The following FIBIN variants were observed in gnomAD, a reference collection of about 807,000 sequenced individuals.
The protein encoded by FIBIN is fin bud initiation factor homolog (zebrafish).
In FIBIN, 8 loss-of-function variants were observed where a neutral mutation model predicts 13.0. The observed-to-expected ratio is 0.62, with a 90% CI of 0.36 to 1.11. The LOEUF is 1.11. Among genes scored for constraint, FIBIN ranks in the 50% most tolerant of loss-of-function variants. The pLI, the probability that FIBIN is intolerant of heterozygous loss-of-function variation, is 0.02. For synonymous variants in FIBIN, 127 were observed against 114.7 expected (o/e 1.11, Z -0.69); for missense variants, 261 against 260.2 (o/e 1.00, Z -0.02).
In FIBIN at chr11:26,994,745, C is replaced by T. The variant is rs1850905157; in HGVS notation, c.219C>T (p.Gly73=). 1 of 1,613,284 alleles carries T rather than the reference C, an allele frequency of 6.2e-7. No homozygotes were observed. The highest frequency in any genetic ancestry group is 1.3e-5 in the African/African-American group (1 of 74,832). The change falls in exon 1 of 1, where the codon GGC becomes GGT. Residue 73 remains glycine, a synonymous_variant. Coordinates refer to ENST00000318627, the MANE Select transcript of FIBIN (RefSeq NM_203371.2). The part of the protein sequence containing the change: ...RCSQGEGSQV[G]SLLSLTLREE... ...CCCAGGGGGAGGGGAGCCAGGTTGGCAGCCTGCTGAGCCTCACCCTGCGGG... is the reference window on the plus strand; with the variant it reads ...CCCAGGGGGAGGGGAGCCAGGTTGGTAGCCTGCTGAGCCTCACCCTGCGGG...
chr11:26,995,280 C>T lies in FIBIN; in HGVS notation c.*118C>T. 2 of 1,031,108 alleles carry T rather than the reference C, an allele frequency of 1.9e-6. No homozygotes were observed. Among genetic ancestry groups the T allele is most frequent in the Non-Finnish European group, 2.8e-6 (2 of 721,388 alleles). The allele number at this position is 1,031,108 out of a possible 1,614,324, so 63.9% of individuals were successfully genotyped here. On this transcript the variant is annotated 3_prime_UTR_variant, in exon 1 of 1. Transcript: ENST00000318627. ...TACTATTTTTTTATATCCCGATTTG[C>T]ACTTTGAGAATACATCTAAGGTCAT...
chr11:26,994,751 G>A lies in FIBIN; in HGVS notation c.225G>A (p.Leu75=), dbSNP rs1850905232. The A allele has an allele frequency of 6.2e-7, 1 of 1,613,378 alleles. No homozygotes were observed. The highest frequency in any genetic ancestry group is 1.3e-5 in the African/African-American group (1 of 74,880). The part of the protein sequence containing the change: ...SQGEGSQVGS[L]LSLTLREEFT... Reference sequence around the variant, plus strand: ...GGGAGGGGAGCCAGGTTGGCAGCCTGCTGAGCCTCACCCTGCGGGAGGAGT... The same window carrying A: ...GGGAGGGGAGCCAGGTTGGCAGCCTACTGAGCCTCACCCTGCGGGAGGAGT... Residue 75 remains leucine, a synonymous_variant, in exon 1 of 1, where the codon CTG becomes CTA. Transcript: ENST00000318627.
chr11:26,995,058 G>C lies in FIBIN; in HGVS notation c.532G>C (p.Asp178His), dbSNP rs1283830764. 6 of 1,614,016 alleles carry C rather than the reference G, an allele frequency of 3.7e-6. No individual in the cohort carries two copies. In the African/African-American group the frequency reaches 6.7e-5, roughly 18 times the overall value. The change falls in exon 1 of 1, where the codon GAC becomes CAC. Residue 178 changes from aspartate to histidine, a missense_variant. Physicochemically the swap from Asp to His is moderately conservative, Grantham distance 81 (BLOSUM62 -1). Coordinates refer to ENST00000318627, the MANE Select transcript of FIBIN (RefSeq NM_203371.2). ...CAGGTCCCTGCTGAAGGAGACACTGGACATCTCTGTGGGGCTCAGGGACAA... is the reference window on the plus strand; with the variant it reads ...CAGGTCCCTGCTGAAGGAGACACTGCACATCTCTGTGGGGCTCAGGGACAA... ...HTRSLLKETLDISVGLRDKYE... is the reference protein window; with the variant it reads ...HTRSLLKETLHISVGLRDKYE...
rs1161350033 is a variant in FIBIN at position 26,994,724 on chromosome 11, G to A, written c.198G>A (p.Gln66=). The A allele has an allele frequency of 6.2e-7, 1 of 1,613,650 alleles. No homozygotes were observed. Among genetic ancestry groups the A allele is most frequent in the Admixed American group, 1.7e-5 (1 of 59,982 alleles). ...TGAGTGACCACAGGCGCTGCTCCCA[G>A]GGGGAGGGGAGCCAGGTTGGCAGCC... The part of the protein sequence containing the change: ...FRVSDHRRCS[Q]GEGSQVGSLL... The change falls in exon 1 of 1, where the codon CAG becomes CAA. Residue 66 remains glutamine, a synonymous_variant. Transcript: ENST00000318627.
Position 26,996,416 on chromosome 11 carries a change from C to G in FIBIN, c.*1254C>G, listed in dbSNP as rs1850928411. Among the ~76,000 whole-genome samples the G allele has an allele frequency of 6.6e-6, 1 of 152,178 alleles. No homozygotes were observed. Among genetic ancestry groups the G allele is most frequent in the African/African-American group, 2.4e-5 (1 of 41,470 alleles). ...TCAATTGCAAAAGTTTCTGACAAGGCTCATACCCTGTACCCTTATGCAGAG... is the reference window on the plus strand; with the variant it reads ...TCAATTGCAAAAGTTTCTGACAAGGGTCATACCCTGTACCCTTATGCAGAG... On this transcript the variant is annotated 3_prime_UTR_variant, in exon 1 of 1. Coordinates refer to ENST00000318627, the MANE Select transcript of FIBIN (RefSeq NM_203371.2).
rs1850900191 is a variant in FIBIN, at chr11:26,994,462, C to T, written c.-65C>T. On this transcript the variant is annotated 5_prime_UTR_variant, in exon 1 of 1. Transcript: ENST00000318627. Reference sequence around the variant, plus strand: ...AGGGAGACGCTGACTCGCAAAGACACTCCCTTCCTTGTGCCTGGGTAAAAA... The same window carrying T: ...AGGGAGACGCTGACTCGCAAAGACATTCCCTTCCTTGTGCCTGGGTAAAAA... 2 of 1,467,462 alleles carry T rather than the reference C, an allele frequency of 1.4e-6. No homozygotes were observed. The highest frequency in any genetic ancestry group is 1.9e-6 in the Non-Finnish European group (2 of 1,079,308). 90.9% of individuals were successfully genotyped at this position (1,467,462 alleles called of 1,614,324 possible).
At position 26,994,566 on chromosome 11, in the gene FIBIN, C is replaced by T. The variant is rs1850901944; in HGVS notation, c.40C>T (p.His14Tyr). 1.7e-5 allele frequency: 27 copies of T among 1,611,190 alleles called. 1 individual carries two copies. The South Asian group carries it at 2.9e-4, about 17-fold the overall frequency. ...LKFFCMSFFC[H>Y]LCQGYFDGPL... is the part of the protein sequence containing the mutation. Reference sequence around the variant, plus strand: ...GTTCTTCTGCATGAGTTTCTTCTGCCACCTGTGTCAAGGCTACTTCGATGG... The same window carrying T: ...GTTCTTCTGCATGAGTTTCTTCTGCTACCTGTGTCAAGGCTACTTCGATGG... The change falls in exon 1 of 1, where the codon CAC (histidine) becomes TAC (tyrosine). Residue 14 changes from histidine to tyrosine, a missense_variant. Transcript: ENST00000318627.
Position 26,994,514 on chromosome 11 carries a change from C to A in FIBIN, c.-13C>A. 1 of 1,583,412 alleles carries A rather than the reference C, an allele frequency of 6.3e-7. No individual in the cohort carries two copies. The highest frequency in any genetic ancestry group is 1.1e-5 in the South Asian group (1 of 87,786). On this transcript the variant is annotated 5_prime_UTR_variant, in exon 1 of 1. It adds an upstream start codon to the 5' untranslated region. Transcript: ENST00000318627. ...TCTCCTCCTGGGGTCCCTGGCCATC[C>A]TGAATATCCAGAATGGTGTTTCTGA...
rs370374525 is a variant in FIBIN at position 26,994,554 on chromosome 11, A to G, written c.28A>G (p.Ser10Gly). 51 of 1,608,906 alleles carry G rather than the reference A, an allele frequency of 3.2e-5. No individual in the cohort carries two copies. The highest frequency in any genetic ancestry group is 4.2e-5 in the Non-Finnish European group (50 of 1,176,738). Reference sequence around the variant, plus strand: ...GGTGTTTCTGAAGTTCTTCTGCATGAGTTTCTTCTGCCACCTGTGTCAAGG... The same window carrying G: ...GGTGTTTCTGAAGTTCTTCTGCATGGGTTTCTTCTGCCACCTGTGTCAAGG... Reference protein sequence around the residue: MVFLKFFCMSFFCHLCQGYF... With the variant: MVFLKFFCMGFFCHLCQGYF... Residue 10 changes from serine (S) to glycine (G), a missense_variant, in exon 1 of 1, where the codon AGT becomes GGT. By Grantham distance (56) the Ser-to-Gly change is moderately conservative. Coordinates refer to ENST00000318627, the MANE Select transcript of FIBIN (RefSeq NM_203371.2).
At position 26,995,075 on chromosome 11, in the gene FIBIN, C is replaced by A. The variant is rs1258712203; in HGVS notation, c.549C>A (p.Leu183=). 2.5e-6 allele frequency: 4 copies of A among 1,614,064 alleles called. No individual in the cohort carries two copies. The highest frequency in any genetic ancestry group is 1.3e-5 in the African/African-American group (1 of 75,026). ...AGACACTGGACATCTCTGTGGGGCT[C>A]AGGGACAAATACGAGCTGCTGGCCC... ...LKETLDISVG[L]RDKYELLALT... The change falls in exon 1 of 1, where the codon CTC becomes CTA. Residue 183 remains leucine, a synonymous_variant. Coordinates refer to ENST00000318627, the MANE Select transcript of FIBIN (RefSeq NM_203371.2).
rs768742693 is a variant in FIBIN at position 26,995,144 on chromosome 11, T to C, written c.618T>C (p.Asn206=). Residue 206 remains asparagine, a synonymous_variant, in exon 1 of 1, where the codon AAT becomes AAC. Transcript: ENST00000318627. ...SHGTRLGRLK[N]DYLKV ...GGACCCGACTAGGTCGGCTGAAAAA[T>C]GATTATCTTAAAGTATAGGTGGAAG... 3.1e-6 allele frequency: 5 copies of C among 1,602,566 alleles called. No individual in the cohort carries two copies. Among genetic ancestry groups the C allele is most frequent in the East Asian group, 2.2e-5 (1 of 44,782 alleles).
Position 26,995,468 on chromosome 11 carries a change from A to C in FIBIN, c.*306A>C. 1 of 280,534 alleles carries C rather than the reference A, an allele frequency of 3.6e-6. No individual in the cohort carries two copies. 17.4% of individuals were successfully genotyped at this position (280,534 alleles called of 1,614,324 possible). Reference sequence around the variant, plus strand: ...TTCTGCAGAGACACCCGTTTCAGCCACATCTAAAAGAGCACAGTTTATGTG... The same window carrying C: ...TTCTGCAGAGACACCCGTTTCAGCCCCATCTAAAAGAGCACAGTTTATGTG... On this transcript the variant is annotated 3_prime_UTR_variant, in exon 1 of 1. Coordinates refer to ENST00000318627, the MANE Select transcript of FIBIN (RefSeq NM_203371.2).
chr11:26,997,049 TAAC>T lies in FIBIN; in HGVS notation c.*1892_*1894del, dbSNP rs548948294. ...TTATTCTGAAAAAATGAGGAAAAAA[TAAC>T]AACAGTGGCAAATAAAATCATATTT... is the stretch of plus-strand genomic sequence containing the variant. On this transcript the variant is annotated 3_prime_UTR_variant, in exon 1 of 1. Coordinates refer to ENST00000318627, the MANE Select transcript of FIBIN (RefSeq NM_203371.2). Among the ~76,000 whole-genome samples the T allele has an allele frequency of 8.4e-4, 128 of 152,222 alleles. No individual in the cohort carries two copies. The highest frequency in any genetic ancestry group is 1.5e-3 in the Non-Finnish European group (103 of 67,986).
chr11:26,995,293 C>T lies in FIBIN; in HGVS notation c.*131C>T. ...TATCCCGATTTGCACTTTGAGAATA[C>T]ATCTAAGGTCATCTTTCAAAAGAGA... On this transcript the variant is annotated 3_prime_UTR_variant, in exon 1 of 1. Coordinates refer to ENST00000318627, the MANE Select transcript of FIBIN (RefSeq NM_203371.2). The T allele has an allele frequency of 1.2e-6, 1 of 817,034 alleles. No individual in the cohort carries two copies. The highest frequency in any genetic ancestry group is 1.8e-6 in the Non-Finnish European group (1 of 554,178). The allele number at this position is 817,034 out of a possible 1,614,324, so 50.6% of individuals were successfully genotyped here.
chr11:26,995,294 A>G lies in FIBIN; in HGVS notation c.*132A>G. ...ATCCCGATTTGCACTTTGAGAATAC[A>G]TCTAAGGTCATCTTTCAAAAGAGAA... On this transcript the variant is annotated 3_prime_UTR_variant, in exon 1 of 1. Transcript: ENST00000318627. The G allele has an allele frequency of 1.2e-6, 1 of 818,490 alleles. No individual in the cohort carries two copies. Among genetic ancestry groups the G allele is most frequent in the Non-Finnish European group, 1.8e-6 (1 of 555,064 alleles). The allele number at this position is 818,490 out of a possible 1,614,324, so 50.7% of individuals were successfully genotyped here. A position where few individuals can be genotyped will look rare whatever the true frequency, so the allele number is the denominator to read the frequency against.
Position 26,995,216 on chromosome 11 carries a change from G to A in FIBIN, c.*54G>A, listed in dbSNP as rs1035033318. The A allele has an allele frequency of 3.1e-5, 47 of 1,513,600 alleles. No homozygotes were observed. Among genetic ancestry groups the A allele is most frequent in the Middle Eastern group, 3.6e-4 (2 of 5,558 alleles). The allele number at this position is 1,513,600 out of a possible 1,614,324, so 93.8% of individuals were successfully genotyped here. A position where few individuals can be genotyped will look rare whatever the true frequency, so the allele number is the denominator to read the frequency against. ...GAATCAAATCAGCCCCGTTTTGGAG[G>A]GTGGGGGACAGAAGATGGGGCTACA... On this transcript the variant is annotated 3_prime_UTR_variant, in exon 1 of 1. Coordinates refer to ENST00000318627, the MANE Select transcript of FIBIN (RefSeq NM_203371.2).
At position 26,994,883 on chromosome 11, in the gene FIBIN, G is replaced by A. The variant is rs758043137; in HGVS notation, c.357G>A (p.Leu119=). The part of the protein sequence containing the change: ...LDGEESYGKY[L]RRESHQIGDA... ...GGGAAGAGAGCTATGGCAAGTACCT[G>A]CGGCGGGAGTCCCACCAGATCGGGG... is the stretch of plus-strand genomic sequence containing the variant. The change falls in exon 1 of 1, where the codon CTG becomes CTA. Residue 119 remains leucine, a synonymous_variant. Coordinates refer to ENST00000318627, the MANE Select transcript of FIBIN (RefSeq NM_203371.2). 1.2e-5 allele frequency: 19 copies of A among 1,599,588 alleles called. No individual in the cohort carries two copies. In the East Asian group the frequency reaches 4.0e-4, roughly 34 times the overall value.
In FIBIN at chr11:26,994,725, G is replaced by C. The variant is rs766304964; in HGVS notation, c.199G>C (p.Gly67Arg). ...GAGTGACCACAGGCGCTGCTCCCAG[G>C]GGGAGGGGAGCCAGGTTGGCAGCCT... ...RVSDHRRCSQGEGSQVGSLLS... is the reference protein window; with the variant it reads ...RVSDHRRCSQREGSQVGSLLS... Residue 67 changes from glycine to arginine, a missense_variant, in exon 1 of 1, where the codon GGG becomes CGG. Physicochemically the swap from Gly to Arg is moderately radical, Grantham distance 125. Coordinates refer to ENST00000318627, the MANE Select transcript of FIBIN (RefSeq NM_203371.2). 3.7e-6 allele frequency: 6 copies of C among 1,613,502 alleles called. No individual in the cohort carries two copies. The highest frequency in any genetic ancestry group is 1.6e-4 in the Middle Eastern group (1 of 6,082).
Position 26,996,378 on chromosome 11 carries a change from TTC to T in FIBIN, c.*1221_*1222del, listed in dbSNP as rs1230024303. Among the ~76,000 whole-genome samples, 1 of 152,178 alleles carries T rather than the reference TTC, an allele frequency of 6.6e-6. No individual in the cohort carries two copies. Among genetic ancestry groups the T allele is most frequent in the East Asian group, 1.9e-4 (1 of 5,186 alleles). On this transcript the variant is annotated 3_prime_UTR_variant, in exon 1 of 1. Coordinates refer to ENST00000318627, the MANE Select transcript of FIBIN (RefSeq NM_203371.2). ...CTTAAAGACTCAAATTTTCTCCAGT[TTC>T]TCTCATAAATTCAATTGCAAAAGTT...
Sources: allele counts gnomAD v4.1 joint callset (sites outside exome capture counted in the v4.1 genomes callset), GRCh38; gene constraint gnomAD v4.1.1; transcripts MANE v1.5; gene names NCBI Gene and HGNC (gene_info 2026-07-23, HGNC 2026-07-21).